Variants in GALNT12 observed in about 807,000 individuals in gnomAD.
GALNT12 encodes polypeptide N-acetylgalactosaminyltransferase 12, also known as UDP-GalNAc:polypeptide N-acetylgalactosaminyltransferase 12.
Under a neutral mutation model 55.5 loss-of-function variants are expected in GALNT12, and 45 were observed. That is an observed-to-expected ratio of 0.81 (90% CI 0.64 to 1.04). The LOEUF (loss-of-function observed/expected upper bound fraction) is 1.04. GALNT12 is among the 50% of genes least tolerant of loss of function. The pLI, the probability that GALNT12 is intolerant of heterozygous loss-of-function variation, is 0.00. For synonymous variants in GALNT12, 304 were observed against 312.2 expected (o/e 0.97, Z 0.28); for missense variants, 709 against 754.8 (o/e 0.94, Z 0.71).
rs1588461400 is a variant in GALNT12 at position 98,849,050 on chromosome 9, C to A, written c.1704C>A (p.Asn568Lys). The A allele has an allele frequency of 1.9e-6, 3 of 1,614,176 alleles. No individual in the cohort carries two copies. The change falls in exon 10 of 10, where the codon AAC becomes AAA. Residue 568 changes from asparagine (N) to lysine (K), a missense_variant. By Grantham distance (94) the Asn-to-Lys change is moderately conservative. Transcript: ENST00000375011. ...TTCCACTCTTACGAGACTGCACCAA[C>A]TCGGATCATCAGAAATGGTTCTTCA... ...SFVPLLRDCTNSDHQKWFFKE... is the reference protein window; with the variant it reads ...SFVPLLRDCTKSDHQKWFFKE...
At chr9:98,830,029 A>G (rs1255345135) in intron 3 of GALNT12, among the ~76,000 whole-genome samples, 3 of 152,166 alleles carry the variant, frequency 2.0e-5, no homozygotes, top group Non-Finnish European at 4.4e-5. Context: ...CTCTATTTTT[A>G]GTTTTTTGAG....
chr9:98,816,962 C>T (rs1835626679), intron 1 of GALNT12, among the ~76,000 whole-genome samples: 1 of 151,740 alleles, frequency 6.6e-6, no homozygotes, highest in Non-Finnish European at 1.5e-5. Context: ...GTAGCTGGGA[C>T]TACAGGCACC....
chr9:98,845,911 A>G, intron 8 of GALNT12, 66 bp from the exon 9 acceptor site: 2 of 1,560,848 alleles, frequency 1.3e-6, no homozygotes, highest in East Asian at 4.6e-5. Context: ...GTTCTTGTCC[A>G]GCGATCTTTC....
chr9:98,843,417 T>C (rs2118489771), intron 7 of GALNT12, among the ~76,000 whole-genome samples: 1 of 150,934 alleles, frequency 6.6e-6, no homozygotes, highest in East Asian at 1.9e-4. Flanking sequence ...TTTTTTTTGG[T>C]GGTGGGGAGG....
At chr9:98,842,093 A>ATTTTTT (rs1444245019) in intron 7 of GALNT12, among the ~76,000 whole-genome samples, 2 of 148,966 alleles carry the variant, frequency 1.3e-5, no homozygotes, top group Middle Eastern at 3.5e-3. Context: ...GTTGTGGCTC[A>ATTTTTT]TTGTTTTTTT....
At position 98,849,541 on chromosome 9, in the gene GALNT12, G is replaced by A. The variant is rs115723809; in HGVS notation, c.*449G>A. 2.1e-6 allele frequency: 1 copy of A among 467,136 alleles called. No homozygotes were observed. The highest frequency in any genetic ancestry group is 5.6e-5 in the South Asian group (1 of 17,834). The allele number at this position is 467,136 out of a possible 1,614,324, so 28.9% of individuals were successfully genotyped here. A position where few individuals can be genotyped will look rare whatever the true frequency, so the allele number is the denominator to read the frequency against. On this transcript the variant is annotated 3_prime_UTR_variant, in exon 10 of 10. Coordinates refer to ENST00000375011, the MANE Select transcript of GALNT12 (RefSeq NM_024642.5). The stretch of plus-strand genomic sequence containing the variant: ...CTTTGCATTAACTGATAATACCTCA[G>A]CTGCGGGGTTAAAGTTTTCCCAGTA...
Position 98,831,904 on chromosome 9 carries a change from C to T in GALNT12, c.864C>T (p.His288=). 1 of 1,614,156 alleles carries T rather than the reference C, an allele frequency of 6.2e-7. No individual in the cohort carries two copies. Among genetic ancestry groups the T allele is most frequent in the South Asian group, 1.1e-5 (1 of 91,078 alleles). ...ACTGGAGGCTGGTGTTCACGTGGCACACAGTTCCTGAGAGGGAGAGGATAC... is the reference window on the plus strand; with the variant it reads ...ACTGGAGGCTGGTGTTCACGTGGCATACAGTTCCTGAGAGGGAGAGGATAC... ...GFDWRLVFTW[H]TVPERERIRM... The change falls in exon 4 of 10, where the codon CAC becomes CAT. Residue 288 remains histidine, a synonymous_variant. Coordinates refer to ENST00000375011, the MANE Select transcript of GALNT12 (RefSeq NM_024642.5).
chr9:98,817,140 A>G (rs1835631337), intron 1 of GALNT12, among the ~76,000 whole-genome samples: 1 of 151,338 alleles, frequency 6.6e-6, no homozygotes, highest in Non-Finnish European at 1.5e-5. Context: ...TAATTTTTGT[A>G]TTTTTGGTAG....
intron 8 of GALNT12, 55 bp downstream of exon 8, chr9:98,844,264 A>G: frequency 8.1e-7 from 1 of 1,237,978 alleles, no homozygotes. Context: ...AAAAAATTAA[A>G]TAGTTGAATT....
intron 1 of GALNT12, 56 bp from the exon 2 acceptor site, chr9:98,823,200 C>T: frequency 3.3e-6 from 5 of 1,520,280 alleles, no homozygotes; most frequent in South Asian, 2.2e-5. Flanking sequence ...GTCACTCCAT[C>T]CCCAGTGCCA....
chr9:98,816,817 ATTTTTTTT>A (rs35357602), intron 1 of GALNT12, among the ~76,000 whole-genome samples: 5 of 73,108 alleles, frequency 6.8e-5, no homozygotes, highest in East Asian at 3.3e-4. Context: ...TGTCCAGCTA[ATTTTTTTT>A]TTTTTTTTTT....
At chr9:98,818,518 C>G (rs1835666730) in intron 1 of GALNT12, among the ~76,000 whole-genome samples, 1 of 151,950 alleles carries the variant, frequency 6.6e-6, no homozygotes, top group Admixed American at 6.6e-5. Flanking sequence ...AGCCACCACA[C>G]CTGGCCAGCT....
At chr9:98,835,936 A>G (rs926993959) in intron 5 of GALNT12, among the ~76,000 whole-genome samples, 2 of 152,168 alleles carry the variant, frequency 1.3e-5, no homozygotes, top group African/African-American at 4.8e-5. Context: ...AGGTTTCACC[A>G]TGTCATCCAG....
intron 2 of GALNT12, among the ~76,000 whole-genome samples, chr9:98,825,076 G>A (rs1052370690): frequency 6.6e-6 from 1 of 152,178 alleles, no homozygotes; most frequent in Non-Finnish European, 1.5e-5. Flanking sequence ...ATCATCGTGA[G>A]CATTGAATGA....
intron 9 of GALNT12, among the ~76,000 whole-genome samples, chr9:98,847,915 C>T (rs747680530): frequency 2.7e-5 from 4 of 149,658 alleles, no homozygotes; most frequent in Admixed American, 1.4e-4. Context: ...TGGGTTCAAG[C>T]GATTCTCCTG....
At chr9:98,809,803 A>G (rs553279669) in intron 1 of GALNT12, among the ~76,000 whole-genome samples, 1 of 152,282 alleles carries the variant, frequency 6.6e-6, no homozygotes, top group Non-Finnish European at 1.5e-5. Flanking sequence ...CAGGTTGTGA[A>G]TATCTCTTTG....
At chr9:98,821,282 T>C (rs999924691) in intron 1 of GALNT12, among the ~76,000 whole-genome samples, 4 of 152,240 alleles carry the variant, frequency 2.6e-5, no homozygotes, top group African/African-American at 9.6e-5. Context: ...AGTGCTGGGA[T>C]TACAGGCATG....
At chr9:98,833,527 G>A (rs1353527585) in intron 4 of GALNT12, among the ~76,000 whole-genome samples, 2 of 152,154 alleles carry the variant, frequency 1.3e-5, no homozygotes, top group Non-Finnish European at 2.9e-5. Flanking sequence ...AGGGCCCTGG[G>A]GGGACCGTTG....
At chr9:98,821,761 AG>A (rs1835748359) in intron 1 of GALNT12, among the ~76,000 whole-genome samples, 1 of 152,114 alleles carries the variant, frequency 6.6e-6, no homozygotes, top group African/African-American at 2.4e-5. Context: ...ACTTCCTCTA[AG>A]TGCCCCTCCC....
Sources: allele counts gnomAD v4.1 joint callset (sites outside exome capture counted in the v4.1 genomes callset), GRCh38; gene constraint gnomAD v4.1.1; transcripts MANE v1.5; gene names NCBI Gene and HGNC (gene_info 2026-07-23, HGNC 2026-07-21).